GGT1: variants seen among roughly 807,000 people sequenced by gnomAD.
GGT1 encodes the protein gamma-glutamyltransferase 1.
In GGT1, 21 loss-of-function variants were observed where a neutral mutation model predicts 56.0. The ratio of observed to expected loss-of-function variants is 0.38; its 90% CI spans 0.27 to 0.54. The LOEUF (loss-of-function observed/expected upper bound fraction) is 0.54. GGT1 is among the 20% of genes least tolerant of loss of function. The pLI, the probability that GGT1 is intolerant of heterozygous loss-of-function variation, is 0.82. For missense variants in GGT1, 466 were observed against 787.0 expected (o/e 0.59, Z 4.88); for synonymous variants, 238 against 342.6 (o/e 0.69, Z 3.37).
At chr22:24,623,746 G>T (rs954102577) in intron 10 of GGT1, 34 bp from the exon 11 acceptor site, 4 of 1,607,626 alleles carry the variant, frequency 2.5e-6, no homozygotes, top group East Asian at 2.2e-5. Context: ...AGCCTCTGGG[G>T]CTCAGCAACA....
At chr22:24,586,376 C>T in the GGT1 span, 4 of 1,613,538 alleles carry the variant, frequency 2.5e-6, no homozygotes, top group African/African-American at 5.3e-5. Flanking sequence ...CACAGTCTCC[C>T]CTGCCAGCAG....
At chr22:24,600,120 C>T (rs1478801645), upstream of GGT1, among the ~76,000 whole-genome samples, 3 of 152,172 alleles carry the variant, frequency 2.0e-5, no homozygotes, top group Admixed American at 6.5e-5. Flanking sequence ...GAGGACAGGG[C>T]GGCCAGGAGG....
intron 2 of GGT1, among the ~76,000 whole-genome samples, chr22:24,608,666 A>AT (rs1039622050): frequency 1.3e-5 from 2 of 151,730 alleles, no homozygotes; most frequent in African/African-American, 2.4e-5. Flanking sequence ...GTTTTTTTGC[A>AT]TTTTTTTTGA....
At chr22:24,606,051 A>G (rs562215740) in intron 1 of GGT1, among the ~76,000 whole-genome samples, 6 of 88,218 alleles carry the variant, frequency 6.8e-5, no homozygotes, top group African/African-American at 4.0e-4. Flanking sequence ...TATATCATAT[A>G]TTATATTTAT....
upstream of GGT1, chr22:24,593,066 C>A: frequency 9.6e-7 from 1 of 1,037,540 alleles, no homozygotes; most frequent in South Asian, 4.5e-5. Flanking sequence ...TCGCCGAACC[C>A]ACAGGAGGCC....
At chr22:24,586,088 T>C in the GGT1 span, 1 of 1,612,596 alleles carries the variant, frequency 6.2e-7, no homozygotes, top group East Asian at 2.2e-5. Context: ...CACATCCACG[T>C]TGTTGCCCAG....
At chr22:24,600,087 C>T (rs2147197789), upstream of GGT1, among the ~76,000 whole-genome samples, 1 of 152,322 alleles carries the variant, frequency 6.6e-6, no homozygotes, top group South Asian at 2.1e-4. Flanking sequence ...TAAATACTAC[C>T]TGTGGAGGGT....
At chr22:24,616,041 G>A (rs1692780630) in intron 7 of GGT1, 1 of 151,966 alleles carries the variant, frequency 6.6e-6, no homozygotes, top group Non-Finnish European at 1.5e-5. Context: ...TTGAGCCCAG[G>A]AGGTTGAGGC....
chr22:24,612,215 C>A (rs1046144115), intron 5 of GGT1, among the ~76,000 whole-genome samples: 5 of 144,728 alleles, frequency 3.5e-5, no homozygotes, highest in Non-Finnish European at 7.6e-5. Flanking sequence ...GTTGGGATTA[C>A]AGGTGTGAGC....
chr22:24,614,839 G>A lies in GGT1; in HGVS notation c.228G>A (p.Gly76=). 6.2e-7 allele frequency: 1 copy of A among 1,613,040 alleles called. No homozygotes were observed. The highest frequency in any genetic ancestry group is 8.5e-7 in the Non-Finnish European group (1 of 1,179,204). Residue 76 remains glycine, a synonymous_variant, in exon 6 of 16, where the codon GGG becomes GGA. Coordinates refer to ENST00000400382, the MANE Select transcript of GGT1 (RefSeq NM_001288833.2). Reference sequence around the variant, plus strand: ...CCATTGCAGCCCTGTTGTGTGTGGGGCTCATGAATGCCCACAGCATGGGCA... The same window carrying A: ...CCATTGCAGCCCTGTTGTGTGTGGGACTCATGAATGCCCACAGCATGGGCA... The part of the protein sequence containing the change: ...DAAIAALLCV[G]LMNAHSMGIG...
At chr22:24,595,244 C>G (rs1251503540) in intron 1 of GGT1, among the ~76,000 whole-genome samples, 1 of 152,132 alleles carries the variant, frequency 6.6e-6, no homozygotes, top group Non-Finnish European at 1.5e-5. Context: ...GGCCTAGATC[C>G]TTGGATGGGC....
chr22:24,588,481 C>T, the GGT1 span: 1 of 764,582 alleles, frequency 1.3e-6, no homozygotes, highest in Admixed American at 2.3e-5. Flanking sequence ...CCCCTCCTAC[C>T]CCCCAACCCG....
At chr22:24,622,741 C>CT (rs1162260151) in intron 9 of GGT1, among the ~76,000 whole-genome samples, 5 of 149,936 alleles carry the variant, frequency 3.3e-5, no homozygotes. Context: ...GATCCTATCT[C>CT]TAAAAAAAAA....
chr22:24,594,884 C>G (rs1369116789), exon 1 of GGT1: 1 of 152,332 alleles, frequency 6.6e-6, no homozygotes, highest in African/African-American at 2.4e-5. Context: ...AGCAGGCAGC[C>G]CGGTAAGCCC....
At chr22:24,619,859 A>G (rs1231263384) in intron 7 of GGT1, among the ~76,000 whole-genome samples, 12 of 151,018 alleles carry the variant, frequency 7.9e-5, no homozygotes, top group Non-Finnish European at 1.6e-4. Context: ...GATTTTAGAC[A>G]TGCAGGCACC....
At chr22:24,589,165 G>A in the GGT1 span, 82 of 1,164,576 alleles carry the variant, frequency 7.0e-5, no homozygotes, top group Non-Finnish European at 8.8e-5. Context: ...CTGTGACTAG[G>A]AGTCTGGGTC....
chr22:24,601,846 C>G (rs776793131), upstream of GGT1, among the ~76,000 whole-genome samples: 17 of 152,224 alleles, frequency 1.1e-4, no homozygotes, highest in Admixed American at 6.5e-5. Flanking sequence ...CCTCAAGGAA[C>G]AAGGACACAA....
intron 5 of GGT1, 137 bp from the exon 6 acceptor site, chr22:24,614,639 A>G (rs1457395086): frequency 1.4e-5 from 11 of 763,212 alleles, no homozygotes; most frequent in Admixed American, 5.2e-5. Flanking sequence ...AAAGAAAGAA[A>G]GAAACTAAAA....
At chr22:24,592,793 C>T, upstream of GGT1, 1 of 1,268,744 alleles carries the variant, frequency 7.9e-7, no homozygotes, top group Non-Finnish European at 1.0e-6. Flanking sequence ...TAGCCCCGCG[C>T]CTCCCAGACC....
Sources: allele counts gnomAD v4.1 joint callset (sites outside exome capture counted in the v4.1 genomes callset), GRCh38; gene constraint gnomAD v4.1.1; transcripts MANE v1.5; gene names NCBI Gene and HGNC (gene_info 2026-07-23, HGNC 2026-07-21).